Variants in EFHB observed in about 807,000 individuals in gnomAD.
The protein encoded by EFHB is EF-hand domain family member B.
Under a neutral mutation model 87.2 loss-of-function variants are expected in EFHB, and 91 were observed. The observed-to-expected ratio is 1.04, with a 90% CI of 0.88 to 1.24. The LOEUF is 1.24. Ranked by LOEUF, EFHB falls within the 50% of genes most tolerant of loss-of-function variation. EFHB has a pLI of 0.00. For missense variants in EFHB, 1,084 were observed against 998.8 expected (o/e 1.09, Z -1.15); for synonymous variants, 325 against 333.6 (o/e 0.97, Z 0.28).
chr3:19,906,697 A>G (rs1694853551), intron 5 of EFHB, among the ~76,000 whole-genome samples: 1 of 79,460 alleles, frequency 1.3e-5, no homozygotes, highest in Non-Finnish European at 2.6e-5. Context: ...TCACAGAAAT[A>G]GAAAAAAAAA....
chr3:19,893,171 G>A (rs746281158), intron 9 of EFHB, among the ~76,000 whole-genome samples: 79 of 152,036 alleles, frequency 5.2e-4, no homozygotes, highest in Admixed American at 1.9e-3. Context: ...GGCTGGTCTC[G>A]AACTCATGAC....
chr3:19,915,443 A>G, intron 4 of EFHB, 30 bp from the exon 5 acceptor site: 1 of 1,482,910 alleles, frequency 6.7e-7, no homozygotes, highest in Non-Finnish European at 9.3e-7. Flanking sequence ...AATCAGTTCC[A>G]AGTCACTTTT....
upstream of EFHB, among the ~76,000 whole-genome samples, chr3:19,935,734 G>A (rs9878676): frequency 0.054 from 8,164 of 151,830 alleles, 488 homozygotes; most frequent in African/African-American, 0.15. Context: ...AAAAATGGCC[G>A]GGCGCAGTGG....
upstream of EFHB, among the ~76,000 whole-genome samples, chr3:19,937,942 C>A (rs574265802): frequency 6.6e-6 from 1 of 152,294 alleles, no homozygotes; most frequent in Non-Finnish European, 1.5e-5. Flanking sequence ...GCCTGACAGT[C>A]CCTTGACTCA....
chr3:19,926,612 G>A (rs957295093), intron 1 of EFHB, among the ~76,000 whole-genome samples: 5 of 151,682 alleles, frequency 3.3e-5, no homozygotes, highest in African/African-American at 4.8e-5. Flanking sequence ...ATCCCGTCTC[G>A]GCCTCCCAAA....
chr3:19,917,594 GA>G (rs1695277557), intron 4 of EFHB, among the ~76,000 whole-genome samples: 1 of 152,136 alleles, frequency 6.6e-6, no homozygotes, highest in Non-Finnish European at 1.5e-5. Context: ...GTAGAGGAGA[GA>G]AATCTGAGAA....
intron 4 of EFHB, among the ~76,000 whole-genome samples, chr3:19,917,493 A>C (rs1408815749): frequency 1.3e-5 from 2 of 152,200 alleles, no homozygotes; most frequent in African/African-American, 4.8e-5. Context: ...ATGGAAAGAC[A>C]AAGAGAGAAT....
At chr3:19,884,761 A>G (rs1404915190) in intron 10 of EFHB, 146 bp from the exon 11 acceptor site, 2 of 700,818 alleles carry the variant, frequency 2.9e-6, no homozygotes, top group African/African-American at 3.6e-5. Flanking sequence ...CCAACACCCA[A>G]CTGTGGAAGA....
chr3:19,920,661 G>A (rs1695408241), intron 1 of EFHB, 94 bp from the exon 2 acceptor site: 2 of 957,448 alleles, frequency 2.1e-6, no homozygotes, highest in African/African-American at 3.4e-5. Context: ...ATGCCTCTGA[G>A]GCTACAAAGT....
chr3:19,918,161 T>C (rs1251743668), intron 4 of EFHB, 71 bp downstream of exon 4: 2 of 1,334,248 alleles, frequency 1.5e-6, no homozygotes, highest in Admixed American at 2.5e-5. Flanking sequence ...ACAAATAAGA[T>C]ATTTAATCAA....
chr3:19,896,306 A>G (rs1309842461), intron 9 of EFHB, among the ~76,000 whole-genome samples: 2 of 152,200 alleles, frequency 1.3e-5, no homozygotes, highest in Non-Finnish European at 2.9e-5. Flanking sequence ...ATTTTCTGAA[A>G]TGGGCCTTGT....
intron 11 of EFHB, among the ~76,000 whole-genome samples, chr3:19,883,433 G>A (rs1315621703): frequency 6.6e-6 from 1 of 152,190 alleles, no homozygotes; most frequent in Non-Finnish European, 1.5e-5. Context: ...TAAAAATCCA[G>A]TTGAGAAAAA....
At chr3:19,910,847 A>C (rs1695039455) in intron 5 of EFHB, among the ~76,000 whole-genome samples, 1 of 152,232 alleles carries the variant, frequency 6.6e-6, no homozygotes, top group African/African-American at 2.4e-5. Flanking sequence ...GTCCAAGTCC[A>C]TCAAGGCAGT....
In EFHB at chr3:19,919,825, T is replaced by C; in HGVS notation, c.996+8A>G. Reference sequence around the variant, plus strand: ...ATAATGTACAAGGAAAAAAAGAAAATAACTTACCAGTACTGAAATTTTAGA... The same window carrying C: ...ATAATGTACAAGGAAAAAAAGAAAACAACTTACCAGTACTGAAATTTTAGA... On this transcript the variant is annotated splice_region_variant and intron_variant, in intron 3 of 12. Transcript: ENST00000295824. The C allele has an allele frequency of 1.2e-6, 2 of 1,609,454 alleles. No homozygotes were observed. The highest frequency in any genetic ancestry group is 1.7e-6 in the Non-Finnish European group (2 of 1,176,872).
At position 19,898,967 on chromosome 3, in the gene EFHB, C is replaced by A. The variant is rs73188450; in HGVS notation, c.1503-122G>T. 2.5e-3 allele frequency: 2,192 copies of A among 890,416 alleles called. 19 individuals are homozygous for A. The highest frequency in any genetic ancestry group is 0.024 in the African/African-American group (1,423 of 59,164). 55.2% of individuals were successfully genotyped at this position (890,416 alleles called of 1,614,324 possible). ...TATCTCATAACCAAACTATGAAGAT[C>A]AAACAAAAGTTCTCCAATAGATCTT... is the stretch of plus-strand genomic sequence containing the variant. On this transcript the variant is annotated intron_variant, in intron 7 of 12. Coordinates refer to ENST00000295824, the MANE Select transcript of EFHB (RefSeq NM_144715.4).
intron 8 of EFHB, 33 bp downstream of exon 8, chr3:19,898,744 TG>T (rs764361023): frequency 1.5e-5 from 24 of 1,603,510 alleles, no homozygotes; most frequent in Non-Finnish European, 2.0e-5. Flanking sequence ...GCTGTTTGTT[TG>T]GGGTTTTTTA....
rs1309553020 is a variant in EFHB, at chr3:19,908,597, AGAG to A, written c.1289-2851_1289-2849del. ...GAGAGAGAGAGAGAGAGAGAGAGAG[AGAG>A]AAAGAAAGAAAGAAAGAAAGAAAGA... On this transcript the variant is annotated intron_variant, in intron 5 of 12. Coordinates refer to ENST00000295824, the MANE Select transcript of EFHB (RefSeq NM_144715.4). 1.9e-4 allele frequency among the ~76,000 whole-genome samples: 20 copies of A among 105,702 alleles called. 1 individual carries two copies. Among genetic ancestry groups the A allele is most frequent in the African/African-American group, 5.6e-4 (14 of 25,030 alleles). The allele number at this position is 105,702 out of a possible 152,430, so 69.3% of individuals were successfully genotyped here. A position where few individuals can be genotyped will look rare whatever the true frequency, so the allele number is the denominator to read the frequency against.
chr3:19,944,595 C>T (rs1032240738), intron 1 of EFHB, among the ~76,000 whole-genome samples: 1 of 152,184 alleles, frequency 6.6e-6, no homozygotes, highest in African/African-American at 2.4e-5. Context: ...GAAATGCCAG[C>T]CACCAGGGCA....
chr3:19,911,302 C>T (rs1022005803), intron 5 of EFHB, among the ~76,000 whole-genome samples: 11 of 152,070 alleles, frequency 7.2e-5, no homozygotes, highest in African/African-American at 2.7e-4. Flanking sequence ...TAGCTCACAC[C>T]TGTAATCTGA....
Sources: allele counts gnomAD v4.1 joint callset (sites outside exome capture counted in the v4.1 genomes callset), GRCh38; gene constraint gnomAD v4.1.1; transcripts MANE v1.5; gene names NCBI Gene and HGNC (gene_info 2026-07-23, HGNC 2026-07-21).